The following ATXN1 variants were observed in gnomAD, a reference collection of about 807,000 sequenced individuals.
ATXN1 encodes the protein ataxin-1.
Under a neutral mutation model 56.4 loss-of-function variants are expected in ATXN1, and 8 were observed. The ratio of observed to expected loss-of-function variants is 0.14; its 90% CI spans 0.08 to 0.26. ATXN1 has a LOEUF of 0.26. Among genes scored for constraint, ATXN1 ranks in the 10% least tolerant of loss-of-function variants. ATXN1 has a pLI of 1.00. For missense variants in ATXN1, 987 were observed against 1,106.5 expected, an observed-to-expected ratio of 0.89 and a Z score of 1.53; for synonymous variants, 514 against 494.6, an observed-to-expected ratio of 1.04 and a Z score of -0.52.
intron 7 of ATXN1, among the ~76,000 whole-genome samples, chr6:16,322,582 G>T (rs1374528769): frequency 1.3e-5 from 2 of 152,198 alleles, no homozygotes; most frequent in African/African-American, 2.4e-5. Context: ...GAATTTCTCT[G>T]TGGGTGCAGT....
intron 6 of ATXN1, among the ~76,000 whole-genome samples, chr6:16,464,332 A>G (rs945828996): frequency 1.3e-5 from 2 of 152,224 alleles, no homozygotes; most frequent in Non-Finnish European, 1.5e-5. Context: ...AAGGTAGCCA[A>G]TCGCAGGGAG....
chr6:16,523,041 T>C (rs769697252), intron 4 of ATXN1, among the ~76,000 whole-genome samples: 3 of 152,270 alleles, frequency 2.0e-5, no homozygotes, highest in East Asian at 3.9e-4. Context: ...ATGATGCTTA[T>C]TGAAGAAGTC....
At chr6:16,537,523 A>G (rs1245043352) in intron 4 of ATXN1, among the ~76,000 whole-genome samples, 1 of 151,690 alleles carries the variant, frequency 6.6e-6, no homozygotes, top group East Asian at 2.0e-4. Context: ...TGGTCAGCAC[A>G]GTGAAACACT....
At position 16,328,619 on chromosome 6, in the gene ATXN1, C is replaced by T. The variant is rs886479345; in HGVS notation, c.-160-149G>A. The T allele has an allele frequency of 3.6e-6, 1 of 275,132 alleles. No individual in the cohort carries two copies. Among genetic ancestry groups the T allele is most frequent in the Non-Finnish European group, 6.6e-6 (1 of 151,056 alleles). The allele number at this position is 275,132 out of a possible 1,614,324, so 17.0% of individuals were successfully genotyped here. A position where few individuals can be genotyped will look rare whatever the true frequency, so the allele number is the denominator to read the frequency against. Reference sequence around the variant, plus strand: ...CTGGACTCGGTGTGAACTCCCATAACCCAATCATACCCCAAGCACTGAAGC... The same window carrying T: ...CTGGACTCGGTGTGAACTCCCATAATCCAATCATACCCCAAGCACTGAAGC... On this transcript the variant is annotated intron_variant, in intron 6 of 7. Transcript: ENST00000436367. The surrounding 1 kb of genome is among the most constrained non-coding windows in gnomAD (Gnocchi z 6.2).
chr6:16,353,749 C>T (rs1303308154), intron 6 of ATXN1, among the ~76,000 whole-genome samples: 2 of 152,300 alleles, frequency 1.3e-5, no homozygotes, highest in South Asian at 2.1e-4. Context: ...AAAACAGCTT[C>T]GTCTACGAGA....
chr6:16,618,653 C>T (rs1310208037), intron 3 of ATXN1, among the ~76,000 whole-genome samples: 2 of 139,994 alleles, frequency 1.4e-5, no homozygotes, highest in African/African-American at 5.4e-5. Context: ...ACCCGGGAGG[C>T]GGAGGTTGCA....
intron 6 of ATXN1, among the ~76,000 whole-genome samples, chr6:16,353,781 C>A (rs780675052): frequency 6.6e-6 from 1 of 152,230 alleles, no homozygotes; most frequent in Non-Finnish European, 1.5e-5. Flanking sequence ...AAAACTGCTA[C>A]AGGCATTATG....
chr6:16,316,801 T>A (rs1177664725), intron 7 of ATXN1, among the ~76,000 whole-genome samples: 3 of 149,498 alleles, frequency 2.0e-5, no homozygotes, highest in Non-Finnish European at 4.4e-5. Context: ...CTGTTTGCCT[T>A]CTGTATGGAA....
rs555449945 is a variant in ATXN1, at chr6:16,341,262, A to C, written c.-160-12792T>G. Among the ~76,000 whole-genome samples the C allele has an allele frequency of 7.9e-5, 12 of 152,322 alleles. No homozygotes were observed. In the East Asian group the frequency reaches 1.7e-3, roughly 22 times the overall value. ...TGCTGAATAATGGTGTATCAGTGGCAGCAGCTCTGGCTGAGAGACCAGAAC... is the reference window on the plus strand; with the variant it reads ...TGCTGAATAATGGTGTATCAGTGGCCGCAGCTCTGGCTGAGAGACCAGAAC... On this transcript the variant is annotated intron_variant, in intron 6 of 7. Transcript: ENST00000436367.
rs370698828 is a variant in ATXN1, at chr6:16,526,064, T to TATATATATATATATATATAC, written c.-360-3377_-360-3376insGTATATATATATATATATAT. On this transcript the variant is annotated intron_variant, in intron 4 of 7. Transcript: ENST00000436367. ...ATCTATATATATATATATATATATA[T>TATATATATATATATATATAC]ACATACATACAATCTATTTATAATG... Among the ~76,000 whole-genome samples, 273 of 133,204 alleles carry TATATATATATATATATATAC rather than the reference T, an allele frequency of 2.0e-3. 3 individuals are homozygous for TATATATATATATATATATAC. Among genetic ancestry groups the TATATATATATATATATATAC allele is most frequent in the African/African-American group, 8.1e-3 (263 of 32,446 alleles). The allele number at this position is 133,204 out of a possible 152,430, so 87.4% of individuals were successfully genotyped here.
intron 2 of ATXN1, among the ~76,000 whole-genome samples, chr6:16,717,819 C>T (rs532522148): frequency 1.3e-5 from 2 of 152,304 alleles, no homozygotes; most frequent in East Asian, 1.9e-4. Context: ...AGGCGGCGAT[C>T]GTATGCAGAT....
rs760464275 is a variant in ATXN1, at chr6:16,685,497, C to CCACACG, written c.-614-27602_-614-27597dup. Reference sequence around the variant, plus strand: ...ACACAATATTGCTGCTGCACCCACACCACACGCACACAAAAACACTTTTAA... The same window carrying CCACACG: ...ACACAATATTGCTGCTGCACCCACACCACACGCACACGCACACAAAAACACTTTTAA... On this transcript the variant is annotated intron_variant, in intron 2 of 7. Coordinates refer to ENST00000436367, the MANE Select transcript of ATXN1 (RefSeq NM_001128164.2). 5.9e-5 allele frequency among the ~76,000 whole-genome samples: 9 copies of CCACACG among 152,276 alleles called. No individual in the cohort carries two copies. In the East Asian group the frequency reaches 1.7e-3, roughly 29 times the overall value.
chr6:16,361,417 T>C (rs1156551299), intron 6 of ATXN1, among the ~76,000 whole-genome samples: 2 of 152,228 alleles, frequency 1.3e-5, no homozygotes, highest in Non-Finnish European at 2.9e-5. Context: ...AAAACAAACA[T>C]GTTTTGCACA....
chr6:16,304,467 A>G lies in ATXN1; in HGVS notation c.*1862T>C, dbSNP rs1760187573. 1 of 152,586 alleles carries G rather than the reference A, an allele frequency of 6.6e-6. No individual in the cohort carries two copies. Among genetic ancestry groups the G allele is most frequent in the Non-Finnish European group, 1.5e-5 (1 of 68,028 alleles). 9.5% of individuals were successfully genotyped at this position (152,586 alleles called of 1,614,324 possible). A position where few individuals can be genotyped will look rare whatever the true frequency, so the allele number is the denominator to read the frequency against. On this transcript the variant is annotated 3_prime_UTR_variant, in exon 8 of 8. Coordinates refer to ENST00000436367, the MANE Select transcript of ATXN1 (RefSeq NM_001128164.2). ...AAAAAAAAGCCATTCTGAAAATAAC[A>G]TTAATAACAACAATAATAAAGTAAT...
intron 4 of ATXN1, among the ~76,000 whole-genome samples, chr6:16,528,228 G>A (rs1005348730): frequency 2.0e-5 from 3 of 151,556 alleles, no homozygotes; most frequent in Non-Finnish European, 2.9e-5. Context: ...TTTAACCCGG[G>A]AGGTGGAGGT....
chr6:16,358,689 C>T (rs1332291389), intron 6 of ATXN1, among the ~76,000 whole-genome samples: 2 of 152,204 alleles, frequency 1.3e-5, no homozygotes, highest in African/African-American at 4.8e-5. Context: ...CCACTGCAGC[C>T]ACCTGAACTG....
At chr6:16,535,237 C>T (rs1293429668) in intron 4 of ATXN1, among the ~76,000 whole-genome samples, 1 of 152,114 alleles carries the variant, frequency 6.6e-6, no homozygotes, top group Non-Finnish European at 1.5e-5. Context: ...TTCTGCAAGC[C>T]CCAGCACCCA....
At chr6:16,710,714 A>C (rs1759505064) in intron 2 of ATXN1, among the ~76,000 whole-genome samples, 1 of 151,380 alleles carries the variant, frequency 6.6e-6, no homozygotes, top group Non-Finnish European at 1.5e-5. Flanking sequence ...CAGCCTCACC[A>C]GTAGATGGGA....
intron 6 of ATXN1, among the ~76,000 whole-genome samples, chr6:16,393,842 C>G (rs1225326427): frequency 6.6e-6 from 1 of 151,490 alleles, no homozygotes; most frequent in Non-Finnish European, 1.5e-5. Context: ...ACAGTGAAAT[C>G]TTGTCTGTAT....
Sources: allele counts gnomAD v4.1 joint callset (sites outside exome capture counted in the v4.1 genomes callset), GRCh38; gene constraint gnomAD v4.1.1; non-coding constraint Gnocchi (gnomAD v3.1); transcripts MANE v1.5; gene names NCBI Gene and HGNC (gene_info 2026-07-23, HGNC 2026-07-21).